The following GLDC variants were observed in gnomAD, a reference collection of about 807,000 sequenced individuals.
GLDC encodes the protein glycine dehydrogenase (decarboxylating), mitochondrial.
GLDC carries 104 observed loss-of-function variants against 121.3 expected under a neutral mutation model. The observed-to-expected ratio is 0.86, with a 90% confidence interval of 0.73 to 1.01. GLDC has a LOEUF of 1.01. Ranked by LOEUF, GLDC falls within the 50% of genes least tolerant of loss-of-function variation. The probability of loss-of-function intolerance (pLI) is 0.00; values close to 1 mark genes in which losing one functional copy is unlikely to be tolerated. For missense variants in GLDC, 1,429 were observed against 1,306.6 expected, an observed-to-expected ratio of 1.09 and a Z score of -1.44; for synonymous variants, 546 against 480.6, an observed-to-expected ratio of 1.14 and a Z score of -1.78.
intron 21 of GLDC, among the ~76,000 whole-genome samples, chr9:6,542,885 CAAAAAAAAAAAAA>C (rs5896153): frequency 1.6e-5 from 1 of 61,396 alleles, no homozygotes; most frequent in Middle Eastern, 0.011. Context: ...GACCTTTTCT[CAAAAAAAAAAAAA>C]AAAAAAAAAA....
At chr9:6,626,445 G>A (rs189087153) in intron 2 of GLDC, among the ~76,000 whole-genome samples, 30 of 152,302 alleles carry the variant, frequency 2.0e-4, no homozygotes, top group Admixed American at 2.6e-4. Flanking sequence ...AGATAAAAAT[G>A]GTAGTTTATT....
intron 2 of GLDC, among the ~76,000 whole-genome samples, chr9:6,629,957 A>ATTTTTTT (rs60203144): frequency 1.6e-4 from 13 of 83,056 alleles, no homozygotes; most frequent in South Asian, 3.9e-4. Context: ...ATATATATAT[A>ATTTTTTT]TTTTTTTTTT....
In GLDC at chr9:6,533,032, C is replaced by G. The variant is rs1034808665; in HGVS notation, c.3048G>C (p.Lys1016Asn). The G allele has an allele frequency of 9.9e-6, 16 of 1,611,796 alleles. No individual in the cohort carries two copies. The highest frequency in any genetic ancestry group is 2.2e-5 in the East Asian group (1 of 44,880). ...EVYESPFSEQ[K>N]RASS ...GGACAGAGGACTAAGAAGACGCCCT[C>G]TTTTGTTCAGAAAATGGAGACTCAT... The change falls in exon 25 of 25, where the codon AAG becomes AAC. Residue 1016 changes from lysine (K) to asparagine (N), a missense_variant. Lys to Asn is a moderately conservative substitution (Grantham distance 94). Transcript: ENST00000321612.
chr9:6,575,889 T>C (rs1425763601), intron 15 of GLDC, among the ~76,000 whole-genome samples: 1 of 152,224 alleles, frequency 6.6e-6, no homozygotes, highest in East Asian at 1.9e-4. Flanking sequence ...CAAGCCCCGC[T>C]GGGCTCAGTG....
At chr9:6,579,850 C>T (rs1321048173) in intron 15 of GLDC, among the ~76,000 whole-genome samples, 5 of 152,158 alleles carry the variant, frequency 3.3e-5, no homozygotes, top group African/African-American at 1.2e-4. Flanking sequence ...GTTGCTGGGT[C>T]CAGTGAAGTG....
chr9:6,617,047 G>A (rs549166287), intron 3 of GLDC, among the ~76,000 whole-genome samples: 2 of 152,118 alleles, frequency 1.3e-5, no homozygotes, highest in African/African-American at 2.4e-5. Context: ...TCTTTCAAGA[G>A]CCCAAATGTT....
At position 6,546,068 on chromosome 9, in the gene GLDC, A is replaced by G. The variant is rs139232108; in HGVS notation, c.2569+4735T>C. Among the ~76,000 whole-genome samples, 770 of 152,262 alleles carry G rather than the reference A, an allele frequency of 5.1e-3. 3 individuals carry two copies. Among genetic ancestry groups the G allele is most frequent in the African/African-American group, 0.017 (720 of 41,560 alleles). On this transcript the variant is annotated intron_variant, in intron 21 of 24. Transcript: ENST00000321612. ...TTTTCTTTTTCAATGTCCTTATTCT[A>G]TATGCTTTCTTCTATATTTAATTTC...
chr9:6,634,559 CAAAA>C (rs57883473), intron 2 of GLDC, among the ~76,000 whole-genome samples: 2 of 146,276 alleles, frequency 1.4e-5, no homozygotes, highest in South Asian at 2.1e-4. Context: ...AAACAAAAAA[CAAAA>C]AAAAAACCCG....
chr9:6,638,235 A>G (rs577162429), intron 2 of GLDC, among the ~76,000 whole-genome samples: 29 of 150,966 alleles, frequency 1.9e-4, no homozygotes, highest in African/African-American at 6.8e-4. Context: ...TTTTTGAGAC[A>G]GAGTCTCACT....
At chr9:6,641,140 T>G (rs1460641036) in intron 2 of GLDC, among the ~76,000 whole-genome samples, 1 of 152,244 alleles carries the variant, frequency 6.6e-6, no homozygotes, top group African/African-American at 2.4e-5. Flanking sequence ...GCATCCTTAG[T>G]GACTGATGAA....
At chr9:6,540,478 C>T (rs914779959) in intron 21 of GLDC, 18 of 345,904 alleles carry the variant, frequency 5.2e-5, no homozygotes, top group African/African-American at 2.3e-4. Flanking sequence ...ATTCTGCGGA[C>T]ATAAAATCTA....
At chr9:6,553,340 C>T (rs779717203) in intron 20 of GLDC, 28 bp downstream of exon 20, 2 of 1,611,630 alleles carry the variant, frequency 1.2e-6, no homozygotes, top group South Asian at 2.2e-5. Flanking sequence ...CACCCACCTG[C>T]ACACCTGCAC....
rs60523772 is a variant in GLDC at position 6,545,346 on chromosome 9, T to C, written c.2570-5200A>G. Among the ~76,000 whole-genome samples, 861 of 152,302 alleles carry C rather than the reference T, an allele frequency of 5.7e-3. 4 individuals are homozygous for C. Among genetic ancestry groups the C allele is most frequent in the African/African-American group, 0.019 (793 of 41,574 alleles). On this transcript the variant is annotated intron_variant, in intron 21 of 24. Coordinates refer to ENST00000321612, the MANE Select transcript of GLDC (RefSeq NM_000170.3). Reference sequence around the variant, plus strand: ...CTACTGTACTGAATACTGTAGGCAATTGTAACACAATGGTCCGAATCTGTG... The same window carrying C: ...CTACTGTACTGAATACTGTAGGCAACTGTAACACAATGGTCCGAATCTGTG...
At chr9:6,558,228 A>G (rs1443669007) in intron 17 of GLDC, 1 of 562,122 alleles carries the variant, frequency 1.8e-6, no homozygotes, top group Middle Eastern at 4.7e-4. Context: ...TGACACGAAG[A>G]TGTGTAAGTG....
At chr9:6,615,972 G>C (rs1020649403) in intron 3 of GLDC, among the ~76,000 whole-genome samples, 3 of 152,138 alleles carry the variant, frequency 2.0e-5, no homozygotes, top group East Asian at 3.8e-4. Flanking sequence ...ACCCAGGCTG[G>C]AGTGCAGTGG....
chr9:6,597,128 A>G (rs947049483), intron 8 of GLDC, among the ~76,000 whole-genome samples: 12 of 152,212 alleles, frequency 7.9e-5, no homozygotes, highest in Admixed American at 7.2e-4. Flanking sequence ...AAGGCCACAC[A>G]TTGTATGATC....
intron 3 of GLDC, among the ~76,000 whole-genome samples, chr9:6,611,461 C>A (rs3925456): frequency 6.6e-6 from 1 of 151,652 alleles, no homozygotes; most frequent in African/African-American, 2.4e-5. Flanking sequence ...GAGGCTGAGG[C>A]AGGAGAATCG....
intron 9 of GLDC, 66 bp downstream of exon 9, chr9:6,594,948 T>A: frequency 1.0e-6 from 1 of 984,472 alleles, no homozygotes; most frequent in Non-Finnish European, 1.6e-6. Flanking sequence ...CATGCAATAT[T>A]TTCAATTTTA....
chr9:6,569,923 G>T (rs13288399), intron 15 of GLDC, among the ~76,000 whole-genome samples: 2 of 150,888 alleles, frequency 1.3e-5, no homozygotes, highest in African/African-American at 4.9e-5. Context: ...CTGCAGTGAT[G>T]TAAGATCGCG....
Sources: allele counts gnomAD v4.1 joint callset (sites outside exome capture counted in the v4.1 genomes callset), GRCh38; gene constraint gnomAD v4.1.1; transcripts MANE v1.5; gene names NCBI Gene and HGNC (gene_info 2026-07-23, HGNC 2026-07-21).